VIT: variants seen among roughly 807,000 people sequenced by gnomAD.
The protein encoded by VIT is vitrin.
Under a neutral mutation model 78.0 loss-of-function variants are expected in VIT, and 99 were observed. The ratio of observed to expected loss-of-function variants is 1.27; its 90% CI spans 1.08 to 1.50. VIT has a LOEUF of 1.50. VIT is among the 40% of genes most tolerant of loss of function. The pLI is 0.00. For missense variants in VIT, 1,126 were observed against 875.3 expected, an observed-to-expected ratio of 1.29 and a Z score of -3.61; for synonymous variants, 374 against 334.3, an observed-to-expected ratio of 1.12 and a Z score of -1.29.
At chr2:36,743,504 T>A (rs1667960969) in intron 4 of VIT, among the ~76,000 whole-genome samples, 1 of 152,226 alleles carries the variant, frequency 6.6e-6, no homozygotes, top group African/African-American at 2.4e-5. Flanking sequence ...AGATGACAAG[T>A]CTGTATTCAT....
intron 9 of VIT, among the ~76,000 whole-genome samples, 167 bp downstream of exon 9, chr2:36,775,234 TTTGA>T (rs1226931344): frequency 6.6e-6 from 1 of 152,228 alleles, no homozygotes; most frequent in East Asian, 1.9e-4. Flanking sequence ...AAAATGTCTC[TTTGA>T]TTGATCTGTT....
chr2:36,792,236 GT>G (rs1192569851), intron 12 of VIT, among the ~76,000 whole-genome samples: 1 of 152,106 alleles, frequency 6.6e-6, no homozygotes, highest in African/African-American at 2.4e-5. Flanking sequence ...CCAGGGCCTA[GT>G]GCCCCTTGCC....
At chr2:36,736,571 G>A (rs1238760039) in intron 3 of VIT, among the ~76,000 whole-genome samples, 2 of 152,224 alleles carry the variant, frequency 1.3e-5, no homozygotes, top group Non-Finnish European at 2.9e-5. Context: ...GTGGTGTCAG[G>A]TGAGATCACA....
At chr2:36,717,328 T>C (rs563851586) in intron 2 of VIT, among the ~76,000 whole-genome samples, 1,524 of 139,950 alleles carry the variant, frequency 0.011, 30 homozygotes, top group African/African-American at 0.039. Flanking sequence ...CCACCACGCC[T>C]GGCTAATGTG....
At chr2:36,773,113 G>T (rs181004501) in intron 7 of VIT, among the ~76,000 whole-genome samples, 1 of 152,308 alleles carries the variant, frequency 6.6e-6, no homozygotes, top group African/African-American at 2.4e-5. Flanking sequence ...CGTTAACGCA[G>T]CTTAAGCAAA....
chr2:36,805,358 C>A, intron 13 of VIT, 80 bp from the exon 14 acceptor site: 2 of 1,346,726 alleles, frequency 1.5e-6, no homozygotes, highest in Non-Finnish European at 9.9e-7. Context: ...TTTTTCTGGA[C>A]CTCTTTGTGC....
intron 3 of VIT, among the ~76,000 whole-genome samples, chr2:36,734,107 A>G (rs1319571950): frequency 4.6e-5 from 7 of 152,114 alleles, no homozygotes; most frequent in Non-Finnish European, 1.0e-4. Flanking sequence ...TGAGTCAAAA[A>G]CTACAGGGGT....
At chr2:36,740,907 T>C (rs17019677) in intron 3 of VIT, among the ~76,000 whole-genome samples, 3,762 of 152,314 alleles carry the variant, frequency 0.025, 115 homozygotes, top group East Asian at 0.085. Context: ...CTAATACTCA[T>C]GAAATAAGCT....
At chr2:36,743,804 T>C (rs762445642) in intron 4 of VIT, among the ~76,000 whole-genome samples, 10 of 151,078 alleles carry the variant, frequency 6.6e-5, no homozygotes, top group Non-Finnish European at 1.3e-4. Context: ...TCTTTTTTAA[T>C]TTTTTTTTTC....
intron 2 of VIT, among the ~76,000 whole-genome samples, chr2:36,726,634 A>G (rs139214173): frequency 0.017 from 2,565 of 152,196 alleles, 88 homozygotes; most frequent in African/African-American, 0.059. Context: ...CCTGGCCAAC[A>G]TGGAGAAAAC....
intron 6 of VIT, among the ~76,000 whole-genome samples, chr2:36,762,448 A>G (rs1475997806): frequency 6.6e-6 from 1 of 152,202 alleles, no homozygotes; most frequent in Non-Finnish European, 1.5e-5. Context: ...TCCTACGTGC[A>G]AGACCCTGAG....
chr2:36,747,329 T>G (rs1072218), intron 4 of VIT, among the ~76,000 whole-genome samples: 1 of 152,002 alleles, frequency 6.6e-6, no homozygotes, highest in Admixed American at 6.6e-5. Context: ...GATCAAATGT[T>G]GAGTGTAAGT....
intron 11 of VIT, among the ~76,000 whole-genome samples, chr2:36,786,796 G>A (rs984930498): frequency 1.7e-4 from 26 of 152,204 alleles, no homozygotes; most frequent in Non-Finnish European, 7.3e-5. Flanking sequence ...TTCTCACAAC[G>A]GGGAGTCTGC....
chr2:36,807,017 G>GA (rs1023751958), intron 14 of VIT, among the ~76,000 whole-genome samples: 3 of 151,986 alleles, frequency 2.0e-5, no homozygotes, highest in Admixed American at 2.0e-4. Flanking sequence ...TTACATGAAT[G>GA]ACCACACACC....
At chr2:36,787,654 G>A (rs1665198739) in intron 12 of VIT, 3 of 331,134 alleles carry the variant, frequency 9.1e-6, no homozygotes, top group Non-Finnish European at 1.7e-5. Context: ...ATGAAGGTTG[G>A]ATCTGCTTTC....
chr2:36,776,464 C>T (rs906845824), intron 9 of VIT, among the ~76,000 whole-genome samples: 29 of 151,928 alleles, frequency 1.9e-4, no homozygotes, highest in African/African-American at 4.3e-4. Flanking sequence ...TAAAAATTAA[C>T]GCTTACATTA....
chr2:36,697,824 G>T (rs1253300885), intron 1 of VIT, among the ~76,000 whole-genome samples: 1 of 152,166 alleles, frequency 6.6e-6, no homozygotes, highest in Non-Finnish European at 1.5e-5. Context: ...ATAAAAACAA[G>T]CATTCTTGGC....
At chr2:36,713,502 C>A (rs1416570389) in intron 1 of VIT, among the ~76,000 whole-genome samples, 2 of 152,068 alleles carry the variant, frequency 1.3e-5, no homozygotes, top group African/African-American at 4.8e-5. Context: ...GAGTGTCAGC[C>A]GAGAAATGCC....
intron 1 of VIT, among the ~76,000 whole-genome samples, chr2:36,713,667 G>A (rs1665947562): frequency 6.6e-6 from 1 of 152,348 alleles, no homozygotes; most frequent in African/African-American, 2.4e-5. Flanking sequence ...ATGCTGAGAT[G>A]CTGAGAAATG....
Sources: allele counts gnomAD v4.1 joint callset (sites outside exome capture counted in the v4.1 genomes callset), GRCh38; gene constraint gnomAD v4.1.1; transcripts MANE v1.5; gene names NCBI Gene and HGNC (gene_info 2026-07-23, HGNC 2026-07-21).